XYLT1: variants seen among roughly 807,000 people sequenced by gnomAD.
XYLT1 encodes xylosyltransferase 1, also known as beta-D-xylosyltransferase 1.
In XYLT1, 36 loss-of-function variants were observed where a neutral mutation model predicts 91.3. The ratio of observed to expected loss-of-function variants is 0.39; its 90% CI spans 0.30 to 0.52. The LOEUF (loss-of-function observed/expected upper bound fraction) is 0.52. XYLT1 is among the 20% of genes least tolerant of loss of function. XYLT1 has a pLI of 0.68. For missense variants in XYLT1, 1,242 were observed against 1,284.5 expected, an observed-to-expected ratio of 0.97 and a Z score of 0.51; for synonymous variants, 588 against 532.0, an observed-to-expected ratio of 1.11 and a Z score of -1.45.
chr16:17,344,757 G>C (rs1224605987), intron 2 of XYLT1, among the ~76,000 whole-genome samples: 1 of 151,730 alleles, frequency 6.6e-6, no homozygotes, highest in African/African-American at 2.4e-5. Flanking sequence ...CTGGAGTGCA[G>C]TGTGGTGATC....
intron 3 of XYLT1, among the ~76,000 whole-genome samples, chr16:17,256,136 G>A (rs2033626996): frequency 6.6e-6 from 1 of 152,102 alleles, no homozygotes. Flanking sequence ...CCCTGCAGAT[G>A]GGGGGGCCAT....
chr16:17,172,511 G>A (rs1331115246), intron 5 of XYLT1, among the ~76,000 whole-genome samples: 1 of 113,168 alleles, frequency 8.8e-6, no homozygotes, highest in East Asian at 2.9e-4. Context: ...CGCTCTTGTT[G>A]CCCAGGCTGG....
chr16:17,178,788 G>T, intron 5 of XYLT1, among the ~76,000 whole-genome samples: 1 of 152,154 alleles, frequency 6.6e-6, no homozygotes, highest in East Asian at 1.9e-4. Flanking sequence ...AAACTTTTGA[G>T]GCTGGGCGTG....
chr16:17,424,031 C>A (rs181925218), intron 1 of XYLT1, among the ~76,000 whole-genome samples: 29 of 152,336 alleles, frequency 1.9e-4, no homozygotes, highest in African/African-American at 6.5e-4. Flanking sequence ...CAAGAAGGGG[C>A]AGGAAGTCCT....
chr16:17,331,538 T>A (rs1355957561), intron 2 of XYLT1, among the ~76,000 whole-genome samples: 1 of 152,228 alleles, frequency 6.6e-6, no homozygotes, highest in East Asian at 1.9e-4. Context: ...CTGATTTGGT[T>A]GCGGTTGTAC....
intron 2 of XYLT1, among the ~76,000 whole-genome samples, chr16:17,304,669 CA>C (rs376604943): frequency 7.2e-5 from 11 of 151,846 alleles, no homozygotes; most frequent in African/African-American, 2.7e-4. Context: ...TTTTTTCCCA[CA>C]AAAAGTCATG....
intron 10 of XYLT1, among the ~76,000 whole-genome samples, chr16:17,126,231 G>A (rs565656899): frequency 1.3e-5 from 2 of 152,184 alleles, no homozygotes; most frequent in South Asian, 2.1e-4. Context: ...TAGCCATGGA[G>A]CGGCCAACAT....
At chr16:17,401,352 A>G (rs113696303) in intron 1 of XYLT1, among the ~76,000 whole-genome samples, 1 of 152,252 alleles carries the variant, frequency 6.6e-6, no homozygotes, top group Non-Finnish European at 1.5e-5. Context: ...TGCAAGTTCA[A>G]TCTCTGCCTA....
chr16:17,267,439 G>C (rs552059835), intron 2 of XYLT1, among the ~76,000 whole-genome samples: 1 of 152,308 alleles, frequency 6.6e-6, no homozygotes, highest in South Asian at 2.1e-4. Context: ...ACGGAGTCTC[G>C]CTCTGTCGCC....
At chr16:17,309,705 T>C (rs1384578895) in intron 2 of XYLT1, among the ~76,000 whole-genome samples, 2 of 152,228 alleles carry the variant, frequency 1.3e-5, no homozygotes, top group African/African-American at 4.8e-5. Flanking sequence ...TTCCTCTGCC[T>C]TCAAAGGGAT....
intron 8 of XYLT1, among the ~76,000 whole-genome samples, chr16:17,137,040 A>T (rs1463418038): frequency 6.6e-6 from 1 of 152,152 alleles, no homozygotes; most frequent in East Asian, 1.9e-4. Context: ...TCGGCTCAGC[A>T]TATCCTTTCT....
chr16:17,460,555 C>T (rs1245798469), intron 1 of XYLT1, among the ~76,000 whole-genome samples: 1 of 152,108 alleles, frequency 6.6e-6, no homozygotes. Flanking sequence ...ATAGTGAACA[C>T]GGAGGTCTTC....
intron 9 of XYLT1, among the ~76,000 whole-genome samples, chr16:17,134,001 T>G (rs1466583681): frequency 1.3e-5 from 2 of 152,196 alleles, no homozygotes; most frequent in Non-Finnish European, 2.9e-5. Flanking sequence ...GACTTCAAAC[T>G]GATCCGGGAG....
At chr16:17,339,185 T>C (rs1391817564) in intron 2 of XYLT1, among the ~76,000 whole-genome samples, 1 of 152,182 alleles carries the variant, frequency 6.6e-6, no homozygotes, top group East Asian at 1.9e-4. Context: ...ATCTGTGAGT[T>C]TGGGGATCTA....
intron 1 of XYLT1, among the ~76,000 whole-genome samples, chr16:17,411,457 A>C (rs564332455): frequency 6.6e-6 from 1 of 152,210 alleles, no homozygotes; most frequent in Non-Finnish European, 1.5e-5. Context: ...TGCTAAAAAA[A>C]TGCCCAGTCA....
At chr16:17,218,938 G>A (rs192821048) in intron 3 of XYLT1, among the ~76,000 whole-genome samples, 1 of 152,288 alleles carries the variant, frequency 6.6e-6, no homozygotes, top group East Asian at 1.9e-4. Flanking sequence ...CAGGGTGTGA[G>A]GTGGAGGGGG....
intron 3 of XYLT1, among the ~76,000 whole-genome samples, chr16:17,214,559 G>A (rs559237807): frequency 6.6e-6 from 1 of 152,276 alleles, no homozygotes; most frequent in African/African-American, 2.4e-5. Context: ...ACGCCACTAA[G>A]TTTGGGGGGG....
intron 3 of XYLT1, among the ~76,000 whole-genome samples, chr16:17,245,621 A>C (rs190601643): frequency 1.3e-5 from 2 of 152,186 alleles, no homozygotes; most frequent in African/African-American, 4.8e-5. Flanking sequence ...TTCTTCCTAC[A>C]TATGTTTTAA....
At chr16:17,241,519 G>A (rs2033345676) in intron 3 of XYLT1, among the ~76,000 whole-genome samples, 1 of 152,202 alleles carries the variant, frequency 6.6e-6, no homozygotes, top group South Asian at 2.1e-4. Context: ...TTCAGTGTGA[G>A]TGCGTGAGTG....
Sources: allele counts gnomAD v4.1 joint callset (sites outside exome capture counted in the v4.1 genomes callset), GRCh38; gene constraint gnomAD v4.1.1; transcripts MANE v1.5; gene names NCBI Gene and HGNC (gene_info 2026-07-23, HGNC 2026-07-21).